Variants in RUBCN observed in about 807,000 individuals in gnomAD.
The protein encoded by RUBCN is run domain Beclin-1-interacting and cysteine-rich domain-containing protein.
In RUBCN, 74 loss-of-function variants were observed where a neutral mutation model predicts 113.2. The observed-to-expected ratio is 0.65, with a 90% confidence interval of 0.54 to 0.79. The LOEUF is 0.79. Among genes scored for constraint, RUBCN ranks in the 30% least tolerant of loss-of-function variants. The pLI, the probability that RUBCN is intolerant of heterozygous loss-of-function variation, is 0.00. For synonymous variants in RUBCN, 480 were observed against 490.0 expected (o/e 0.98, Z 0.27); for missense variants, 1,109 against 1,251.7 (o/e 0.89, Z 1.72).
At position 197,674,896 on chromosome 3, in the gene RUBCN, G is replaced by T. The variant is rs906891850; in HGVS notation, c.*122C>A. On this transcript the variant is annotated 3_prime_UTR_variant, in exon 20 of 20. Coordinates refer to ENST00000296343, the MANE Select transcript of RUBCN (RefSeq NM_014687.4). Reference sequence around the variant, plus strand: ...ACAAGTCAGTAAAAAAAAAAAAAAAGATGATGATAATTAAAAAAAAAAAAA... The same window carrying T: ...ACAAGTCAGTAAAAAAAAAAAAAAATATGATGATAATTAAAAAAAAAAAAA... 1.6e-5 allele frequency: 11 copies of T among 674,704 alleles called. No individual in the cohort carries two copies. Among genetic ancestry groups the T allele is most frequent in the Non-Finnish European group, 2.2e-5 (10 of 447,228 alleles). The allele number at this position is 674,704 out of a possible 1,614,324, so 41.8% of individuals were successfully genotyped here. A position where few individuals can be genotyped will look rare whatever the true frequency, so the allele number is the denominator to read the frequency against.
intron 7 of RUBCN, among the ~76,000 whole-genome samples, chr3:197,697,950 T>G (rs892340245): frequency 6.6e-6 from 1 of 152,218 alleles, no homozygotes; most frequent in Non-Finnish European, 1.5e-5. Flanking sequence ...AGACTTCTGG[T>G]AGCCCTGGCT....
intron 1 of RUBCN, among the ~76,000 whole-genome samples, chr3:197,746,189 A>G (rs1440657309): frequency 6.6e-6 from 1 of 152,258 alleles, no homozygotes; most frequent in Non-Finnish European, 1.5e-5. Flanking sequence ...AGTTTACTGC[A>G]GCACAAAGCT....
intron 7 of RUBCN, chr3:197,699,365 G>A (rs561860088): frequency 4.7e-6 from 3 of 633,680 alleles, no homozygotes; most frequent in Admixed American, 5.2e-5. Flanking sequence ...CAGTTGTGAA[G>A]GACGGATGGC....
intron 17 of RUBCN, 110 bp downstream of exon 17, chr3:197,677,370 T>C (rs1478318598): frequency 6.3e-6 from 6 of 953,050 alleles, no homozygotes; most frequent in Admixed American, 5.2e-5. Context: ...TTTACAGTTC[T>C]GCAAAATCTC....
intron 2 of RUBCN, among the ~76,000 whole-genome samples, chr3:197,710,543 T>C (rs1249847171): frequency 6.7e-6 from 1 of 150,162 alleles, no homozygotes; most frequent in East Asian, 2.0e-4. Context: ...GAGGCTGCGG[T>C]GAGCTGGGAT....
intron 2 of RUBCN, among the ~76,000 whole-genome samples, chr3:197,714,424 A>C (rs1725292332): frequency 6.6e-6 from 1 of 152,110 alleles, no homozygotes; most frequent in Admixed American, 6.5e-5. Context: ...AGGCTTAAGC[A>C]ATCTTCCCAG....
chr3:197,701,469 C>G (rs1723662542), intron 6 of RUBCN, among the ~76,000 whole-genome samples: 1 of 152,168 alleles, frequency 6.6e-6, no homozygotes, highest in African/African-American at 2.4e-5. Context: ...TATTGAAATG[C>G]CTTCTTGGCA....
chr3:197,747,390 CTT>C (rs397937984), intron 1 of RUBCN, among the ~76,000 whole-genome samples: 15 of 144,270 alleles, frequency 1.0e-4, no homozygotes, highest in African/African-American at 2.0e-4. Flanking sequence ...AAAAGAGAAT[CTT>C]TTTTTTTTTT....
upstream of RUBCN, among the ~76,000 whole-genome samples, chr3:197,741,877 C>T (rs1728537932): frequency 1.3e-5 from 2 of 151,780 alleles, no homozygotes; most frequent in African/African-American, 4.8e-5. Context: ...TTGCCAGCCA[C>T]GAACGGTGGA....
At chr3:197,741,462 A>C (rs1728521475), upstream of RUBCN, among the ~76,000 whole-genome samples, 1 of 152,220 alleles carries the variant, frequency 6.6e-6, no homozygotes, top group Admixed American at 6.5e-5. Context: ...AGTTTTAATT[A>C]CTTAGCTTTT....
At position 197,749,635 on chromosome 3, in the gene RUBCN, G is replaced by C. The variant is rs1037336189; in HGVS notation, c.-482C>G. ...GGACACGGAGGATTATATCACTGAA[G>C]GCATAAGATTCAGAGGTGCCCGCGG... On this transcript the variant is annotated 5_prime_UTR_variant, in exon 1 of 21. Transcript: ENST00000273582. 4.2e-6 allele frequency: 4 copies of C among 962,880 alleles called. No individual in the cohort carries two copies. The Admixed American group carries it at 9.0e-5, about 22-fold the overall frequency. The allele number at this position is 962,880 out of a possible 1,614,324, so 59.6% of individuals were successfully genotyped here.
rs375400873 is a variant in RUBCN, at chr3:197,675,517, T to C, written c.2647-2A>G. 1 of 1,612,690 alleles carries C rather than the reference T, an allele frequency of 6.2e-7. No homozygotes were observed. The highest frequency in any genetic ancestry group is 8.5e-7 in the Non-Finnish European group (1 of 1,179,036). On this transcript the variant is annotated splice_acceptor_variant, in intron 18 of 19. Coordinates refer to ENST00000296343, the MANE Select transcript of RUBCN (RefSeq NM_014687.4). LOFTEE classifies it high-confidence loss of function. This position sits in a 1 kb window ranked among gnomAD's most constrained non-coding sequence, Gnocchi z 4.4. ...GATGAAGCCTTTGGCTTGGCAGAGC[T>C]GGGGAGGAAAAACACAGATGGCAAA...
intron 11 of RUBCN, among the ~76,000 whole-genome samples, chr3:197,689,216 T>C (rs1003361364): frequency 6.6e-6 from 1 of 151,828 alleles, no homozygotes; most frequent in African/African-American, 2.4e-5. Context: ...TTTGTAGAGA[T>C]GGGGTCTCAC....
rs556726161 is a variant in RUBCN at position 197,717,313 on chromosome 3, G to A, written c.219+664C>T. On this transcript the variant is annotated intron_variant, in intron 2 of 19. Coordinates refer to ENST00000296343, the MANE Select transcript of RUBCN (RefSeq NM_014687.4). ...GAAAAAATTAGCCGGGCCTGGTGGC[G>A]GGCGCCTGTAGTCCCAGCTACTCGG... 5.6e-3 allele frequency among the ~76,000 whole-genome samples: 849 copies of A among 151,654 alleles called. 5 individuals are homozygous for A. Among genetic ancestry groups the A allele is most frequent in the Non-Finnish European group, 7.5e-3 (510 of 67,870 alleles).
At chr3:197,693,691 T>C in intron 11 of RUBCN, 24 bp downstream of exon 11, 3 of 1,479,860 alleles carry the variant, frequency 2.0e-6, no homozygotes, top group Non-Finnish European at 2.8e-6. Flanking sequence ...AAAAGTTCCC[T>C]TGTAACAAAG....
At chr3:197,745,686 A>G (rs1421192493) in intron 1 of RUBCN, among the ~76,000 whole-genome samples, 9 of 152,112 alleles carry the variant, frequency 5.9e-5, no homozygotes, top group Admixed American at 3.3e-4. Flanking sequence ...CTACCTTTGA[A>G]GAAACATAGA....
intron 1 of RUBCN, among the ~76,000 whole-genome samples, chr3:197,731,157 G>C (rs961396954): frequency 1.3e-5 from 2 of 151,884 alleles, no homozygotes; most frequent in African/African-American, 2.4e-5. Context: ...CGCAGTGTTT[G>C]TGTCCCTGGG....
Position 197,681,416 on chromosome 3 carries a change from A to C in RUBCN, c.2192-49T>G. ...AGCCAGATGTAACTTTCCCATCTAC[A>C]AGCTGGGAAGGCAGCTCTGCTTTTC... On this transcript the variant is annotated intron_variant, in intron 15 of 19. Transcript: ENST00000296343. This position sits in a 1 kb window ranked among gnomAD's most constrained non-coding sequence, Gnocchi z 5.5. 1 of 1,394,294 alleles carries C rather than the reference A, an allele frequency of 7.2e-7. No individual in the cohort carries two copies. Among genetic ancestry groups the C allele is most frequent in the Non-Finnish European group, 1.0e-6 (1 of 981,100 alleles). The allele number at this position is 1,394,294 out of a possible 1,614,324, so 86.4% of individuals were successfully genotyped here.
At chr3:197,722,008 G>A (rs1375015945) in intron 1 of RUBCN, among the ~76,000 whole-genome samples, 3 of 152,152 alleles carry the variant, frequency 2.0e-5, no homozygotes, top group Non-Finnish European at 2.9e-5. Flanking sequence ...GGAGTCCGAG[G>A]TGGGCGGATC....
Sources: gnomAD v4.1 joint callset for allele counts (sites outside exome capture counted in the v4.1 genomes callset) on GRCh38, gnomAD v4.1.1 for gene constraint, Gnocchi (gnomAD v3.1) non-coding constraint, MANE v1.5 for transcripts, NCBI Gene and HGNC (gene_info 2026-07-23, HGNC 2026-07-21) for gene names.